Variants in ME2 observed in about 807,000 individuals in gnomAD.
ME2 encodes NAD-dependent malic enzyme, mitochondrial.
Under a neutral mutation model 73.7 loss-of-function variants are expected in ME2, and 60 were observed. The ratio of observed to expected loss-of-function variants is 0.81; its 90% confidence interval spans 0.66 to 1.01. ME2 has a LOEUF of 1.01. ME2 is among the 50% of genes least tolerant of loss of function. The pLI, the probability that ME2 is intolerant of heterozygous loss-of-function variation, is 0.00. For synonymous variants in ME2, 199 were observed against 236.9 expected (o/e 0.84, Z 1.47); for missense variants, 594 against 705.5 (o/e 0.84, Z 1.79).
intron 1 of ME2, among the ~76,000 whole-genome samples, chr18:50,883,933 C>CT (rs1916390658): frequency 6.6e-6 from 1 of 152,134 alleles, no homozygotes; most frequent in South Asian, 2.1e-4. Context: ...GAATCCCCAC[C>CT]TTCTTTTATT....
At chr18:50,917,219 G>T in intron 5 of ME2, 128 bp from the exon 6 acceptor site, 4 of 693,864 alleles carry the variant, frequency 5.8e-6, no homozygotes, top group Non-Finnish European at 9.2e-6. Context: ...TTGGAAATTA[G>T]CCAAGAAACA....
chr18:50,882,028 T>C (rs887736011), intron 1 of ME2, among the ~76,000 whole-genome samples: 7 of 152,058 alleles, frequency 4.6e-5, no homozygotes, highest in Non-Finnish European at 2.9e-5. Context: ...TGAGAGAGGG[T>C]CTCACTTTTA....
chr18:50,927,909 G>C (rs1469767879), intron 12 of ME2, among the ~76,000 whole-genome samples: 1 of 146,592 alleles, frequency 6.8e-6, no homozygotes, highest in Non-Finnish European at 1.5e-5. Flanking sequence ...CCAATTCCTG[G>C]CTCAAGTAAT....
intron 1 of ME2, among the ~76,000 whole-genome samples, chr18:50,884,628 G>A (rs1599081303): frequency 6.6e-6 from 1 of 152,210 alleles, no homozygotes; most frequent in Non-Finnish European, 1.5e-5. Context: ...TTACAGGCGT[G>A]AGCCACTGCG....
chr18:50,885,095 A>G (rs1301449104), intron 1 of ME2, among the ~76,000 whole-genome samples: 1 of 150,438 alleles, frequency 6.6e-6, no homozygotes, highest in Non-Finnish European at 1.5e-5. Flanking sequence ...GTCTCAGGTG[A>G]TCTGCCTGCC....
At chr18:50,941,401 C>G (rs1206930791) in intron 15 of ME2, among the ~76,000 whole-genome samples, 1 of 89,066 alleles carries the variant, frequency 1.1e-5, no homozygotes, top group African/African-American at 5.0e-5. Flanking sequence ...GAGTCTTGCT[C>G]TGTCACCCAG....
Position 50,950,965 on chromosome 18 carries a change from AAT to A in ME2, c.*3783_*3784del, listed in dbSNP as rs1378340931. On this transcript the variant is annotated 3_prime_UTR_variant, in exon 16 of 16. Transcript: ENST00000321341. ...CAACTGAAATTATGTTCTTACACAG[AAT>A]AGTTTTCATCTAGTTTTATTATGTT... The A allele has an allele frequency of 1.8e-4, 28 of 152,384 alleles. No homozygotes were observed. Among genetic ancestry groups the A allele is most frequent in the African/African-American group, 6.7e-4 (28 of 41,596 alleles). The allele number at this position is 152,384 out of a possible 1,614,324, so 9.4% of individuals were successfully genotyped here. A position where few individuals can be genotyped will look rare whatever the true frequency, so the allele number is the denominator to read the frequency against.
chr18:50,886,166 T>TAAAA (rs1568157234), intron 1 of ME2, among the ~76,000 whole-genome samples: 1 of 103,098 alleles, frequency 9.7e-6, no homozygotes, highest in African/African-American at 2.9e-5. Flanking sequence ...AATTTAAAAT[T>TAAAA]TAAAAAAAAA....
chr18:50,934,346 T>C (rs887626420), intron 13 of ME2: 8 of 152,172 alleles, frequency 5.3e-5, no homozygotes, highest in Non-Finnish European at 8.8e-5. Context: ...ACCATAAATA[T>C]AGACATTAAA....
chr18:50,915,000 C>G (rs1376658522), intron 4 of ME2, among the ~76,000 whole-genome samples: 4 of 152,108 alleles, frequency 2.6e-5, no homozygotes, highest in African/African-American at 9.7e-5. Flanking sequence ...ATGATAAATA[C>G]AGTTGACCCT....
chr18:50,937,771 A>AAG (rs1457128039), intron 13 of ME2, among the ~76,000 whole-genome samples: 1 of 152,174 alleles, frequency 6.6e-6, no homozygotes, highest in African/African-American at 2.4e-5. Context: ...GTCACCTAAA[A>AAG]AGAGAGCAAA....
chr18:50,900,805 C>T (rs1234555637), intron 2 of ME2, among the ~76,000 whole-genome samples: 1 of 152,088 alleles, frequency 6.6e-6, no homozygotes. Flanking sequence ...TCCCCCTTCG[C>T]TCAGCACTCA....
At chr18:50,940,251 T>C in intron 14 of ME2, 37 bp from the exon 15 acceptor site, 1 of 1,438,178 alleles carries the variant, frequency 7.0e-7, no homozygotes, top group Middle Eastern at 1.7e-4. Flanking sequence ...TTCTGTTATT[T>C]AAACAAACAA....
intron 3 of ME2, among the ~76,000 whole-genome samples, chr18:50,910,720 C>T (rs143269615): frequency 6.6e-6 from 1 of 152,282 alleles, no homozygotes; most frequent in East Asian, 1.9e-4. Flanking sequence ...AAACACTCAG[C>T]CCTTCTCTTC....
At chr18:50,919,799 C>G (rs1302217955) in intron 7 of ME2, among the ~76,000 whole-genome samples, 1 of 151,886 alleles carries the variant, frequency 6.6e-6, no homozygotes, top group African/African-American at 2.4e-5. Context: ...AAGAAAGTCC[C>G]TCTTCTCTAA....
At chr18:50,912,670 GTT>G in intron 3 of ME2, 129 bp from the exon 4 acceptor site, 1 of 763,998 alleles carries the variant, frequency 1.3e-6, no homozygotes, top group East Asian at 2.9e-5. Context: ...AAGGTTTTGG[GTT>G]TTTTTTAGAA....
At chr18:50,936,778 TTAAC>T (rs1676839804) in intron 13 of ME2, among the ~76,000 whole-genome samples, 2 of 152,018 alleles carry the variant, frequency 1.3e-5, no homozygotes, top group African/African-American at 4.8e-5. Flanking sequence ...CAAAAAAAAT[TTAAC>T]TAGCCAGGTG....
At chr18:50,913,405 C>T (rs1445897430) in intron 4 of ME2, 1 of 153,056 alleles carries the variant, frequency 6.5e-6, no homozygotes, top group African/African-American at 2.4e-5. Context: ...ATGATCTTGG[C>T]TCACTGCAAC....
Position 50,947,199 on chromosome 18 carries a change from T to A in ME2, c.*15T>A, listed in dbSNP as rs764759985. ...TAACAGAATAGAAGCACTCCCCTGA[T>A]AAATACTTTCTGTGCTCCAGGGAAC... On this transcript the variant is annotated 3_prime_UTR_variant, in exon 16 of 16. Transcript: ENST00000321341. The A allele has an allele frequency of 5.0e-6, 8 of 1,607,976 alleles. No individual in the cohort carries two copies. The South Asian group carries it at 5.5e-5, about 11-fold the overall frequency.
Sources: allele counts gnomAD v4.1 joint callset (sites outside exome capture counted in the v4.1 genomes callset), GRCh38; gene constraint gnomAD v4.1.1; transcripts MANE v1.5; gene names NCBI Gene and HGNC (gene_info 2026-07-23, HGNC 2026-07-21).